The following NSG1 variants were observed in gnomAD, a reference collection of about 807,000 sequenced individuals.
The protein encoded by NSG1 is neuronal vesicle trafficking associated 1.
Under a neutral mutation model 19.3 loss-of-function variants are expected in NSG1, and 9 were observed. That is an observed-to-expected ratio of 0.47 (90% CI 0.28 to 0.81). The LOEUF is 0.81. NSG1 is among the 40% of genes least tolerant of loss of function. The probability of loss-of-function intolerance (pLI) is 0.11; values close to 1 mark genes in which losing one functional copy is unlikely to be tolerated. For missense variants in NSG1, 236 were observed against 242.4 expected (o/e 0.97, Z 0.18); for synonymous variants, 104 against 107.0 (o/e 0.97, Z 0.17).
At chr4:4,411,037 G>T (rs572481881) in intron 4 of NSG1, among the ~76,000 whole-genome samples, 2 of 152,172 alleles carry the variant, frequency 1.3e-5, no homozygotes, top group South Asian at 4.1e-4. Flanking sequence ...TGTATTTTTA[G>T]TAGAGACAGG....
chr4:4,391,352 C>T, intron 2 of NSG1, 123 bp from the exon 3 acceptor site: 3 of 665,388 alleles, frequency 4.5e-6, no homozygotes, highest in Non-Finnish European at 2.7e-6. Flanking sequence ...AGTGGCTGTT[C>T]TCGTTCTTGT....
At chr4:4,391,704 A>C (rs766019669) in intron 3 of NSG1, 113 bp downstream of exon 3, 6 of 620,110 alleles carry the variant, frequency 9.7e-6, no homozygotes, top group Non-Finnish European at 1.7e-5. Context: ...GTCTGGGCTC[A>C]TCCCAGCTGT....
chr4:4,410,424 T>C (rs1307852111), intron 4 of NSG1, among the ~76,000 whole-genome samples: 1 of 152,174 alleles, frequency 6.6e-6, no homozygotes, highest in Non-Finnish European at 1.5e-5. Context: ...GGCGACTCCA[T>C]CATTGTGCCA....
intron 3 of NSG1, among the ~76,000 whole-genome samples, chr4:4,400,182 A>T (rs1723473431): frequency 6.6e-6 from 1 of 152,230 alleles, no homozygotes; most frequent in African/African-American, 2.4e-5. Context: ...ATTCTTTTGC[A>T]TGTGGTCCTA....
intron 3 of NSG1, among the ~76,000 whole-genome samples, chr4:4,405,784 C>G (rs1723819659): frequency 1.3e-5 from 2 of 152,200 alleles, no homozygotes; most frequent in African/African-American, 2.4e-5. Context: ...TTGACTGTTC[C>G]AGGGACTCTC....
chr4:4,418,352 T>G lies in NSG1; in HGVS notation c.*917T>G, dbSNP rs1035482027. The G allele has an allele frequency of 6.6e-6, 1 of 151,558 alleles. No homozygotes were observed. Among genetic ancestry groups the G allele is most frequent in the African/African-American group, 2.4e-5 (1 of 41,132 alleles). The allele number at this position is 151,558 out of a possible 1,614,324, so 9.4% of individuals were successfully genotyped here. A position where few individuals can be genotyped will look rare whatever the true frequency, so the allele number is the denominator to read the frequency against. On this transcript the variant is annotated 3_prime_UTR_variant, in exon 5 of 5. Coordinates refer to ENST00000621129, the MANE Select transcript of NSG1 (RefSeq NM_014392.5). ...GGAAAAGTGGAAATGTAATTTCTGG[T>G]AAGCTTGAGCTACTTTAATTTTTAT...
chr4:4,393,422 G>T (rs958249542), intron 3 of NSG1, among the ~76,000 whole-genome samples: 2 of 152,166 alleles, frequency 1.3e-5, no homozygotes, highest in African/African-American at 4.8e-5. Context: ...AGCCTTGGCT[G>T]GGACTCTGTG....
At chr4:4,412,132 T>C (rs7685812) in intron 4 of NSG1, among the ~76,000 whole-genome samples, 36,872 of 152,166 alleles carry the variant, frequency 0.24, 5,570 homozygotes, top group African/African-American at 0.43. Flanking sequence ...GGGGCCACCA[T>C]GGCATGTGGT....
intron 4 of NSG1, among the ~76,000 whole-genome samples, chr4:4,411,431 A>G (rs1724174583): frequency 6.6e-6 from 1 of 152,196 alleles, no homozygotes; most frequent in African/African-American, 2.4e-5. Context: ...TGACAGGCAC[A>G]GGGCTGTCAT....
chr4:4,387,494 G>GGCCGGGGAGCTCGCGGAC (rs1722784053), intron 1 of NSG1, 110 bp from the exon 2 acceptor site: 6 of 701,838 alleles, frequency 8.5e-6, no homozygotes, highest in Non-Finnish European at 1.4e-5. Context: ...GACGAAGCGG[G>GGCCGGGGAGCTCGCGGAC]GCCGGGGAGC....
intron 3 of NSG1, among the ~76,000 whole-genome samples, chr4:4,397,243 C>T (rs1259061246): frequency 1.3e-5 from 2 of 151,812 alleles, no homozygotes; most frequent in African/African-American, 4.8e-5. Context: ...AGAGTAACAG[C>T]AGCCACCCAG....
In NSG1 at chr4:4,417,956, A is replaced by C. The variant is rs113733129; in HGVS notation, c.*521A>C. ...AGTGGCATAGAGAACGAGGAAAAAG[A>C]CCCCCCCACCCCTCCCTGTGCTGAC... On this transcript the variant is annotated 3_prime_UTR_variant, in exon 5 of 5. Transcript: ENST00000621129. The C allele has an allele frequency of 6.1e-6, 1 of 163,242 alleles. No homozygotes were observed. The highest frequency in any genetic ancestry group is 1.3e-5 in the Non-Finnish European group (1 of 75,658). The allele number at this position is 163,242 out of a possible 1,614,324, so 10.1% of individuals were successfully genotyped here.
At chr4:4,413,032 C>T (rs1271103669) in intron 4 of NSG1, among the ~76,000 whole-genome samples, 1 of 152,056 alleles carries the variant, frequency 6.6e-6, no homozygotes, top group East Asian at 1.9e-4. Context: ...GTCCTTCAGG[C>T]TCCCGACATT....
At chr4:4,409,432 T>C (rs1340232113) in intron 3 of NSG1, 141 bp from the exon 4 acceptor site, 14 of 654,454 alleles carry the variant, frequency 2.1e-5, no homozygotes, top group Non-Finnish European at 3.9e-5. Context: ...TTCTAACCTC[T>C]TGTGCCTAGC....
intron 3 of NSG1, among the ~76,000 whole-genome samples, chr4:4,394,327 C>A (rs1366177727): frequency 1.3e-5 from 2 of 152,188 alleles, no homozygotes; most frequent in Non-Finnish European, 1.5e-5. Context: ...ATCCCCAAGG[C>A]CTTCAGAGAC....
rs1724607837 is a variant in NSG1, at chr4:4,417,255, A to T, written c.378A>T (p.Glu126Asp). Residue 126 changes from glutamate (E) to aspartate (D), a missense_variant, in exon 5 of 5, where the codon GAA (glutamate) becomes GAT (aspartate). Transcript: ENST00000621129. ...FVLKNTQCIPEGLESYYAEQD... is the reference protein window; with the variant it reads ...FVLKNTQCIPDGLESYYAEQD... ...TTCAGAACACCCAGTGCATCCCAGA[A>T]GGCTTGGAGAGCTACTACGCGGAGC... The T allele has an allele frequency of 6.2e-7, 1 of 1,613,998 alleles. No homozygotes were observed. The highest frequency in any genetic ancestry group is 1.3e-5 in the African/African-American group (1 of 74,930).
At position 4,416,178 on chromosome 4, in the gene NSG1, G is replaced by T. The variant is rs752449889; in HGVS notation, c.358-1057G>T. On this transcript the variant is annotated intron_variant, in intron 4 of 4. Transcript: ENST00000621129. ...AGGTGAGGGACCTGAGATTGAGAGA[G>T]AAAACACTCCGCACGTGAACTCAGC... 22 of 702,404 alleles carry T rather than the reference G, an allele frequency of 3.1e-5. No individual in the cohort carries two copies. In the South Asian group the frequency reaches 3.3e-4, roughly 10 times the overall value. 43.5% of individuals were successfully genotyped at this position (702,404 alleles called of 1,614,324 possible). A position where few individuals can be genotyped will look rare whatever the true frequency, so the allele number is the denominator to read the frequency against.
chr4:4,394,889 G>A lies in NSG1; in HGVS notation c.246+3298G>A, dbSNP rs534100663. On this transcript the variant is annotated intron_variant, in intron 3 of 4. Coordinates refer to ENST00000621129, the MANE Select transcript of NSG1 (RefSeq NM_014392.5). ...GCCTCTCTCGGGGCCATGCTTACGC[G>A]TAAGCCTCTAACAGGTGATGCCTGT... Among the ~76,000 whole-genome samples, 34 of 152,334 alleles carry A rather than the reference G, an allele frequency of 2.2e-4. No individual in the cohort carries two copies. The South Asian group carries it at 3.9e-3, about 18-fold the overall frequency.
At position 4,417,309 on chromosome 4, in the gene NSG1, C is replaced by T. The variant is rs1170638332; in HGVS notation, c.432C>T (p.Tyr144=). 3 of 1,614,116 alleles carry T rather than the reference C, an allele frequency of 1.9e-6. No homozygotes were observed. Among genetic ancestry groups the T allele is most frequent in the Admixed American group, 3.3e-5 (2 of 60,016 alleles). ...ACTCCAGTGCCCGGGAGAAATTTTA[C>T]ACAGTCATAAACCACTACAACCTGG... The part of the protein sequence containing the change: ...EQDSSAREKF[Y]TVINHYNLAK... Residue 144 remains tyrosine (Y), a synonymous_variant, in exon 5 of 5, where the codon TAC becomes TAT. Coordinates refer to ENST00000621129, the MANE Select transcript of NSG1 (RefSeq NM_014392.5).
Sources: gnomAD v4.1 joint callset for allele counts (sites outside exome capture counted in the v4.1 genomes callset) on GRCh38, gnomAD v4.1.1 for gene constraint, MANE v1.5 for transcripts, NCBI Gene and HGNC (gene_info 2026-07-23, HGNC 2026-07-21) for gene names.